INPP4B: variants seen among roughly 807,000 people sequenced by gnomAD.
INPP4B encodes the protein inositol polyphosphate 4-phosphatase type II.
INPP4B carries 55 observed loss-of-function variants against 122.5 expected under a neutral mutation model. That is an observed-to-expected ratio of 0.45 (90% confidence interval 0.36 to 0.56). The LOEUF (loss-of-function observed/expected upper bound fraction) is 0.56. INPP4B is among the 20% of genes least tolerant of loss of function. INPP4B has a pLI of 0.00. For synonymous variants in INPP4B, 403 were observed against 388.7 expected, an observed-to-expected ratio of 1.04 and a Z score of -0.43; for missense variants, 1,000 against 1,097.7, an observed-to-expected ratio of 0.91 and a Z score of 1.26.
intron 2 of INPP4B, among the ~76,000 whole-genome samples, chr4:142,656,743 C>CT (rs754566249): frequency 7.9e-5 from 12 of 152,190 alleles, no homozygotes; most frequent in Non-Finnish European, 1.2e-4. Context: ...TTTTAAACTG[C>CT]TTTTTTGTTC....
chr4:142,030,237 T>C, intron 25 of INPP4B: 1 of 1,535,682 alleles, frequency 6.5e-7, no homozygotes, highest in East Asian at 2.4e-5. Context: ...AGAAGTTGGC[T>C]TGTTATCAGT....
At chr4:142,585,637 G>T (rs964009282) in intron 2 of INPP4B, among the ~76,000 whole-genome samples, 5 of 151,940 alleles carry the variant, frequency 3.3e-5, no homozygotes, top group Admixed American at 1.3e-4. Context: ...CCCTCCTCTT[G>T]CTTCGCTCTC....
chr4:142,514,189 A>T (rs1440212994), intron 2 of INPP4B: 1 of 152,204 alleles, frequency 6.6e-6, no homozygotes, highest in South Asian at 2.1e-4. Context: ...TGAAACAGAC[A>T]TCTTCATGAA....
intron 2 of INPP4B, among the ~76,000 whole-genome samples, chr4:142,571,703 T>C (rs993058409): frequency 6.6e-6 from 1 of 152,118 alleles, no homozygotes; most frequent in Non-Finnish European, 1.5e-5. Flanking sequence ...TTGCTAACAA[T>C]TATAGAATTA....
chr4:142,528,383 AGTT>A (rs1322729126), intron 2 of INPP4B, among the ~76,000 whole-genome samples: 2 of 152,052 alleles, frequency 1.3e-5, no homozygotes, highest in Non-Finnish European at 2.9e-5. Context: ...CTACTCATGT[AGTT>A]GTTGTAGGAT....
intron 2 of INPP4B, among the ~76,000 whole-genome samples, chr4:142,495,278 C>T (rs2149797100): frequency 6.6e-6 from 1 of 151,218 alleles, no homozygotes; most frequent in South Asian, 2.1e-4. Flanking sequence ...CATAAAAATA[C>T]CAAAAAACGA....
chr4:142,497,700 T>C (rs1822770323), intron 2 of INPP4B, among the ~76,000 whole-genome samples: 1 of 152,182 alleles, frequency 6.6e-6, no homozygotes, highest in African/African-American at 2.4e-5. Flanking sequence ...AAAATTATCC[T>C]AAAACAACAA....
intron 3 of INPP4B, among the ~76,000 whole-genome samples, chr4:142,433,413 G>C (rs746337384): frequency 6.6e-6 from 1 of 152,058 alleles, no homozygotes; most frequent in African/African-American, 2.4e-5. Context: ...CAAGCTGAAT[G>C]GTCATCATAC....
chr4:142,577,207 C>T (rs190843033), intron 2 of INPP4B, among the ~76,000 whole-genome samples: 48 of 151,930 alleles, frequency 3.2e-4, no homozygotes, highest in African/African-American at 9.6e-4. Flanking sequence ...TATTGTTCAC[C>T]ATTTTCTTAA....
intron 1 of INPP4B, among the ~76,000 whole-genome samples, chr4:142,806,776 A>C (rs1350208489): frequency 2.5e-5 from 2 of 81,512 alleles, no homozygotes; most frequent in Admixed American, 2.2e-4. Context: ...AGAAAGAAAG[A>C]AAGAAAGAAG....
chr4:142,699,377 T>C (rs906227264), intron 2 of INPP4B, among the ~76,000 whole-genome samples: 8 of 152,150 alleles, frequency 5.3e-5, no homozygotes, highest in African/African-American at 1.7e-4. Context: ...CATTCAGCCA[T>C]ATCTTTATAC....
intron 1 of INPP4B, among the ~76,000 whole-genome samples, chr4:142,739,012 T>TA (rs1267202089): frequency 6.6e-6 from 1 of 152,138 alleles, no homozygotes; most frequent in Non-Finnish European, 1.5e-5. Flanking sequence ...GACTTTGTAG[T>TA]AATACAGGAT....
chr4:142,449,776 G>T (rs190460145), intron 3 of INPP4B, among the ~76,000 whole-genome samples: 1 of 152,046 alleles, frequency 6.6e-6, no homozygotes, highest in Non-Finnish European at 1.5e-5. Context: ...TCACATTAAG[G>T]CATAGAAGAC....
chr4:142,431,296 C>T lies in INPP4B; in HGVS notation c.-37G>A. On this transcript the variant is annotated 5_prime_UTR_variant, in exon 4 of 26. Coordinates refer to ENST00000262992, the MANE Select transcript of INPP4B (RefSeq NM_001101669.3). ...ACAGTTTTAAAATTTTCCAAATTTT[C>T]TTGTCCAAATGTCAGTTCTAGTGAT... 6.6e-7 allele frequency: 1 copy of T among 1,507,834 alleles called. No individual in the cohort carries two copies. Among genetic ancestry groups the T allele is most frequent in the Non-Finnish European group, 9.2e-7 (1 of 1,084,510 alleles). The allele number at this position is 1,507,834 out of a possible 1,614,324, so 93.4% of individuals were successfully genotyped here. A position where few individuals can be genotyped will look rare whatever the true frequency, so the allele number is the denominator to read the frequency against.
chr4:142,806,786 G>GAAAGAAA (rs1554013556), intron 1 of INPP4B, among the ~76,000 whole-genome samples: 1 of 75,994 alleles, frequency 1.3e-5, no homozygotes, highest in African/African-American at 5.2e-5. Context: ...AAAGAAAGAA[G>GAAAGAAA]GAAAGAAAGA....
chr4:142,730,164 G>A (rs558965469), intron 1 of INPP4B, among the ~76,000 whole-genome samples: 7 of 152,180 alleles, frequency 4.6e-5, no homozygotes, highest in East Asian at 1.9e-4. Flanking sequence ...GATTGGAAAC[G>A]TAGGAGGTAT....
intron 2 of INPP4B, among the ~76,000 whole-genome samples, chr4:142,637,847 TCAC>T (rs1310815174): frequency 6.6e-6 from 1 of 152,326 alleles, no homozygotes; most frequent in East Asian, 1.9e-4. Flanking sequence ...CTCCATATGC[TCAC>T]CGACATTTGG....
rs758089398 is a variant in INPP4B at position 142,086,268 on chromosome 4, A to T, written c.2375-12T>A. 4 of 1,317,642 alleles carry T rather than the reference A, an allele frequency of 3.0e-6. No homozygotes were observed. In the South Asian group the frequency reaches 3.6e-5, roughly 12 times the overall value. The allele number at this position is 1,317,642 out of a possible 1,614,324, so 81.6% of individuals were successfully genotyped here. A position where few individuals can be genotyped will look rare whatever the true frequency, so the allele number is the denominator to read the frequency against. On this transcript the variant is annotated splice_polypyrimidine_tract_variant and intron_variant, in intron 23 of 25. Coordinates refer to ENST00000262992, the MANE Select transcript of INPP4B (RefSeq NM_001101669.3). ...AAAATGTGAAATATCTGAAGGGGAA[A>T]AAACAAAGGAGAAAAATAAAATGAG...
chr4:142,054,980 G>A (rs2667101), intron 25 of INPP4B, among the ~76,000 whole-genome samples: 78,893 of 151,904 alleles, frequency 0.52, 24,488 homozygotes, highest in Non-Finnish European at 0.68. Context: ...TGCCTACTAA[G>A]AGATAAGAGT....
Sources: allele counts gnomAD v4.1 joint callset (sites outside exome capture counted in the v4.1 genomes callset), GRCh38; gene constraint gnomAD v4.1.1; transcripts MANE v1.5; gene names NCBI Gene and HGNC (gene_info 2026-07-23, HGNC 2026-07-21).